ZCCHC7: variants seen among roughly 807,000 people sequenced by gnomAD.
ZCCHC7 encodes zinc finger CCHC domain-containing protein 7.
ZCCHC7 carries 35 observed loss-of-function variants against 52.0 expected under a neutral mutation model. The ratio of observed to expected loss-of-function variants is 0.67; its 90% CI spans 0.51 to 0.89. ZCCHC7 has a LOEUF of 0.89. Among genes scored for constraint, ZCCHC7 ranks in the 40% least tolerant of loss-of-function variants. The pLI is 0.00. For synonymous variants in ZCCHC7, 217 were observed against 221.5 expected, an observed-to-expected ratio of 0.98 and a Z score of 0.18; for missense variants, 574 against 649.1, an observed-to-expected ratio of 0.88 and a Z score of 1.26.
intron 1 of ZCCHC7, among the ~76,000 whole-genome samples, chr9:37,122,423 T>C (rs969689816): frequency 1.3e-5 from 2 of 152,244 alleles, no homozygotes; most frequent in African/African-American, 4.8e-5. Flanking sequence ...TTTCTGGTCA[T>C]GGGATTGATA....
At chr9:37,351,414 T>TCCCA (rs1821371746) in intron 7 of ZCCHC7, among the ~76,000 whole-genome samples, 2 of 152,114 alleles carry the variant, frequency 1.3e-5, no homozygotes, top group South Asian at 4.2e-4. Context: ...CAAGTGATCC[T>TCCCA]CCCACCTCAG....
Position 37,357,223 on chromosome 9 carries a change from CAATGATAACTTATTTCTTATTA to C in ZCCHC7, c.1589_1610del (p.Asn530SerfsTer14). 6.2e-7 allele frequency: 1 copy of C among 1,608,366 alleles called. No individual in the cohort carries two copies. The highest frequency in any genetic ancestry group is 1.1e-5 in the South Asian group (1 of 89,714). On this transcript the variant is annotated frameshift_variant, in exon 9 of 9. Coordinates refer to ENST00000336755, the MANE Select transcript of ZCCHC7 (RefSeq NM_032226.3). LOFTEE classifies it high-confidence loss of function. ...AGGAGAGGTGCTGGGAAGATGATGACAATGATAACTTATTTCTTATTAAGCAGAGAAAAAAAAAGTCTTAAGC... is the reference window on the plus strand; with the variant it reads ...AGGAGAGGTGCTGGGAAGATGATGACAGCAGAGAAAAAAAAAGTCTTAAGC...
chr9:37,232,552 A>G (rs939173288), intron 2 of ZCCHC7, among the ~76,000 whole-genome samples: 9 of 152,154 alleles, frequency 5.9e-5, no homozygotes, highest in African/African-American at 2.2e-4. Flanking sequence ...AAATCCAACC[A>G]ATCTCCTGTT....
At chr9:37,346,548 C>T (rs984479784) in intron 6 of ZCCHC7, among the ~76,000 whole-genome samples, 2 of 152,062 alleles carry the variant, frequency 1.3e-5, no homozygotes, top group Non-Finnish European at 2.9e-5. Context: ...TGGTGGCAAG[C>T]ACCTATGGTC....
At chr9:37,207,399 T>C (rs1406120432) in intron 2 of ZCCHC7, among the ~76,000 whole-genome samples, 2 of 152,122 alleles carry the variant, frequency 1.3e-5, no homozygotes, top group Admixed American at 6.5e-5. Context: ...AGATTATTTC[T>C]GTATTTAAAC....
At chr9:37,160,000 T>G (rs1056504037) in intron 2 of ZCCHC7, 1 of 152,232 alleles carries the variant, frequency 6.6e-6, no homozygotes, top group South Asian at 2.1e-4. Flanking sequence ...ACATTAAACA[T>G]TAGGACCTTC....
At chr9:37,265,964 C>A (rs1338668764) in intron 2 of ZCCHC7, among the ~76,000 whole-genome samples, 2 of 152,116 alleles carry the variant, frequency 1.3e-5, no homozygotes, top group African/African-American at 4.8e-5. Flanking sequence ...CCCATCTTCT[C>A]TTCCTTCATC....
At chr9:37,321,181 G>T (rs970878414) in intron 5 of ZCCHC7, among the ~76,000 whole-genome samples, 2 of 151,606 alleles carry the variant, frequency 1.3e-5, no homozygotes, top group African/African-American at 4.8e-5. Flanking sequence ...GTAGATATGG[G>T]GTTTCATCGT....
At chr9:37,282,288 A>G (rs997688955) in intron 2 of ZCCHC7, among the ~76,000 whole-genome samples, 22 of 152,164 alleles carry the variant, frequency 1.4e-4, no homozygotes, top group Admixed American at 1.3e-4. Context: ...TATGTTTTCT[A>G]TATTTCACCA....
chr9:37,298,627 G>GA (rs1169016917), intron 2 of ZCCHC7, among the ~76,000 whole-genome samples: 1 of 152,198 alleles, frequency 6.6e-6, no homozygotes, highest in Non-Finnish European at 1.5e-5. Context: ...TCAGGTGGGG[G>GA]ATTGACTGCA....
chr9:37,206,974 A>AG (rs1303821985), intron 2 of ZCCHC7, among the ~76,000 whole-genome samples: 1 of 152,106 alleles, frequency 6.6e-6, no homozygotes, highest in African/African-American at 2.4e-5. Flanking sequence ...AAAAAAAAAA[A>AG]AAATCGTTGG....
chr9:37,161,907 C>T (rs1033404102), intron 2 of ZCCHC7, among the ~76,000 whole-genome samples: 12 of 152,102 alleles, frequency 7.9e-5, no homozygotes, highest in African/African-American at 2.2e-4. Flanking sequence ...GAGGTAGAGA[C>T]GGCCAGATTA....
intron 2 of ZCCHC7, among the ~76,000 whole-genome samples, chr9:37,208,866 A>G (rs1423930219): frequency 1.3e-5 from 2 of 152,166 alleles, no homozygotes; most frequent in Admixed American, 1.3e-4. Context: ...CATTCATTTC[A>G]TGGCAAAAAA....
chr9:37,163,619 C>G (rs1205986159), intron 2 of ZCCHC7, among the ~76,000 whole-genome samples: 1 of 152,090 alleles, frequency 6.6e-6, no homozygotes, highest in African/African-American at 2.4e-5. Context: ...TGCAAACTGT[C>G]CAGTCTTTGC....
intron 2 of ZCCHC7, among the ~76,000 whole-genome samples, chr9:37,290,030 A>G (rs1229421741): frequency 5.3e-5 from 8 of 152,098 alleles, no homozygotes; most frequent in African/African-American, 1.9e-4. Flanking sequence ...ACCCTGCTCT[A>G]CTTTTTCTTT....
At position 37,133,009 on chromosome 9, in the gene ZCCHC7, C is replaced by CT. The variant is rs1330160736; in HGVS notation, c.610+6067_610+6068insT. Among the ~76,000 whole-genome samples, 4 of 152,126 alleles carry CT rather than the reference C, an allele frequency of 2.6e-5. No individual in the cohort carries two copies. The East Asian group carries it at 7.7e-4, about 29-fold the overall frequency. ...AAAATTAGCCCAGTGTGGTGGTGTG[C>CT]ACCTGTAATCCCAGCCTCAGAGGCT... On this transcript the variant is annotated intron_variant, in intron 2 of 8. Coordinates refer to ENST00000336755, the MANE Select transcript of ZCCHC7 (RefSeq NM_032226.3).
Position 37,327,694 on chromosome 9 carries a change from A to C in ZCCHC7, c.952-105A>C, listed in dbSNP as rs554946635. ...GCAGACCCTTTCTGTTAAGCTTCTT[A>C]TTTTCCTGTGACCGACACCGGTGGA... On this transcript the variant is annotated intron_variant, in intron 5 of 8. Coordinates refer to ENST00000336755, the MANE Select transcript of ZCCHC7 (RefSeq NM_032226.3). 1.9e-5 allele frequency: 24 copies of C among 1,239,908 alleles called. No individual in the cohort carries two copies. The East Asian group carries it at 4.2e-4, about 22-fold the overall frequency. 76.8% of individuals were successfully genotyped at this position (1,239,908 alleles called of 1,614,324 possible). A position where few individuals can be genotyped will look rare whatever the true frequency, so the allele number is the denominator to read the frequency against.
Position 37,352,540 on chromosome 9 carries a change from CAG to C in ZCCHC7, c.1084-2167_1084-2166del, listed in dbSNP as rs1425786539. Among the ~76,000 whole-genome samples, 15 of 93,298 alleles carry C rather than the reference CAG, an allele frequency of 1.6e-4. 1 individual carries two copies. The Admixed American group carries it at 1.8e-3, about 11-fold the overall frequency. 61.2% of individuals were successfully genotyped at this position (93,298 alleles called of 152,430 possible). Reference sequence around the variant, plus strand: ...TTTTTTTTTTTTTTTTTTTTTGAGACAGAGTTTCGCCCTTGTTGCCCAGGCTG... The same window carrying C: ...TTTTTTTTTTTTTTTTTTTTTGAGACAGTTTCGCCCTTGTTGCCCAGGCTG... On this transcript the variant is annotated intron_variant, in intron 7 of 8. Coordinates refer to ENST00000336755, the MANE Select transcript of ZCCHC7 (RefSeq NM_032226.3).
chr9:37,259,263 ATAAG>A (rs1826747723), intron 2 of ZCCHC7, among the ~76,000 whole-genome samples: 2 of 152,180 alleles, frequency 1.3e-5, no homozygotes, highest in South Asian at 4.1e-4. Flanking sequence ...ATAGCAATAA[ATAAG>A]TAAACACAAA....
Sources: gnomAD v4.1 joint callset for allele counts (sites outside exome capture counted in the v4.1 genomes callset) on GRCh38, gnomAD v4.1.1 for gene constraint, MANE v1.5 for transcripts, NCBI Gene and HGNC (gene_info 2026-07-23, HGNC 2026-07-21) for gene names.